Variants in HECW1 observed in about 807,000 individuals in gnomAD.
The protein encoded by HECW1 is E3 ubiquitin-protein ligase HECW1.
Under a neutral mutation model 182.3 loss-of-function variants are expected in HECW1, and 61 were observed. The ratio of observed to expected loss-of-function variants is 0.33; its 90% CI spans 0.27 to 0.41. The LOEUF (loss-of-function observed/expected upper bound fraction) is 0.41. Among genes scored for constraint, HECW1 ranks in the 10% least tolerant of loss-of-function variants. The pLI, the probability that HECW1 is intolerant of heterozygous loss-of-function variation, is 1.00. For missense variants in HECW1, 1,739 were observed against 2,108.9 expected (o/e 0.82, Z 3.44); for synonymous variants, 859 against 832.6 (o/e 1.03, Z -0.55).
At chr7:43,314,945 G>T (rs1562823797) in intron 4 of HECW1, among the ~76,000 whole-genome samples, 1 of 152,216 alleles carries the variant, frequency 6.6e-6, no homozygotes, top group Non-Finnish European at 1.5e-5. Flanking sequence ...CAGTCACACA[G>T]CTGCCTCCCC....
chr7:43,539,365 G>T (rs539990689), intron 24 of HECW1, among the ~76,000 whole-genome samples: 10 of 152,166 alleles, frequency 6.6e-5, no homozygotes, highest in Non-Finnish European at 1.3e-4. Flanking sequence ...GAAAGAACAT[G>T]TCTTTAAAAA....
intron 24 of HECW1, among the ~76,000 whole-genome samples, chr7:43,534,052 G>C (rs1419395063): frequency 1.3e-5 from 2 of 152,186 alleles, no homozygotes; most frequent in Non-Finnish European, 2.9e-5. Flanking sequence ...TGCCAGAAAT[G>C]CCCTACAGAG....
chr7:43,210,141 C>CCTG (rs1795874867), intron 2 of HECW1, among the ~76,000 whole-genome samples: 1 of 152,116 alleles, frequency 6.6e-6, no homozygotes, highest in African/African-American at 2.4e-5. Flanking sequence ...GCCTTCCTTC[C>CCTG]CACAGAAGGA....
At position 43,167,074 on chromosome 7, in the gene HECW1, C is replaced by T. The variant is rs985009636; in HGVS notation, c.-32+52683C>T. Among the ~76,000 whole-genome samples the T allele has an allele frequency of 2.6e-5, 4 of 152,332 alleles. No homozygotes were observed. In the East Asian group the frequency reaches 7.7e-4, roughly 29 times the overall value. On this transcript the variant is annotated intron_variant, in intron 2 of 29. Coordinates refer to ENST00000395891, the MANE Select transcript of HECW1 (RefSeq NM_015052.5). Reference sequence around the variant, plus strand: ...GATTCACTTCCCATTGCTATAACAACTTATCACAAACTTTATGGCCTAAAG... The same window carrying T: ...GATTCACTTCCCATTGCTATAACAATTTATCACAAACTTTATGGCCTAAAG...
At position 43,311,252 on chromosome 7, in the gene HECW1, A is replaced by T. The variant is rs188804529; in HGVS notation, c.28-511A>T. On this transcript the variant is annotated intron_variant, in intron 3 of 29. Transcript: ENST00000395891. Reference sequence around the variant, plus strand: ...GGCATTCTGTAGAGTGAAAGATGTAAATGGAGGAGTGACTGCCTCACCCAG... The same window carrying T: ...GGCATTCTGTAGAGTGAAAGATGTATATGGAGGAGTGACTGCCTCACCCAG... Among the ~76,000 whole-genome samples the T allele has an allele frequency of 1.1e-3, 166 of 152,338 alleles. 2 individuals carry two copies. The highest frequency in any genetic ancestry group is 3.9e-3 in the African/African-American group (162 of 41,588).
intron 2 of HECW1, among the ~76,000 whole-genome samples, chr7:43,168,507 T>TA (rs1234914471): frequency 2.0e-5 from 3 of 151,872 alleles, no homozygotes; most frequent in Non-Finnish European, 4.4e-5. Flanking sequence ...AATTTTTTTT[T>TA]AAATTAGCCA....
chr7:43,200,887 TG>T (rs1794962735), intron 2 of HECW1, among the ~76,000 whole-genome samples: 1 of 152,190 alleles, frequency 6.6e-6, no homozygotes, highest in Non-Finnish European at 1.5e-5. Flanking sequence ...GCCAGCAAGA[TG>T]GGAAACCTTA....
chr7:43,257,796 G>A (rs560504556), intron 3 of HECW1, among the ~76,000 whole-genome samples: 1 of 152,090 alleles, frequency 6.6e-6, no homozygotes, highest in Non-Finnish European at 1.5e-5. Flanking sequence ...ATGACTTGAG[G>A]CAAGTTATTT....
chr7:43,157,756 T>A (rs1790043236), intron 2 of HECW1, among the ~76,000 whole-genome samples: 1 of 152,176 alleles, frequency 6.6e-6, no homozygotes, highest in Non-Finnish European at 1.5e-5. Flanking sequence ...TGATGGGGTT[T>A]CGCCGCATTG....
At chr7:43,370,485 C>T (rs1479835144) in intron 6 of HECW1, among the ~76,000 whole-genome samples, 1 of 152,218 alleles carries the variant, frequency 6.6e-6, no homozygotes, top group Non-Finnish European at 1.5e-5. Context: ...TATGATTCAG[C>T]AATCTCACTC....
chr7:43,200,597 G>A (rs188891666), intron 2 of HECW1, among the ~76,000 whole-genome samples: 354 of 152,278 alleles, frequency 2.3e-3, no homozygotes, highest in African/African-American at 8.1e-3. Context: ...AAATACACAG[G>A]TGAGACACAG....
intron 16 of HECW1, among the ~76,000 whole-genome samples, chr7:43,477,132 T>C (rs1243155667): frequency 6.6e-6 from 1 of 152,192 alleles, no homozygotes; most frequent in Non-Finnish European, 1.5e-5. Context: ...TAATTCATCA[T>C]TATTTACCAT....
At chr7:43,340,426 G>A (rs947686170) in intron 5 of HECW1, among the ~76,000 whole-genome samples, 23 of 150,748 alleles carry the variant, frequency 1.5e-4, no homozygotes, top group African/African-American at 4.7e-4. Context: ...TCACCATATT[G>A]GCTAGGCTGG....
At chr7:43,136,294 G>A (rs1009142609) in intron 2 of HECW1, among the ~76,000 whole-genome samples, 2 of 152,182 alleles carry the variant, frequency 1.3e-5, no homozygotes, top group African/African-American at 4.8e-5. Flanking sequence ...TTTTGAATGA[G>A]TAGCTTCCCA....
At chr7:43,406,778 C>T (rs1378787263) in intron 7 of HECW1, among the ~76,000 whole-genome samples, 2 of 152,024 alleles carry the variant, frequency 1.3e-5, no homozygotes, top group Non-Finnish European at 2.9e-5. Flanking sequence ...ATTCTCCAGG[C>T]ATGGTGATAG....
At chr7:43,236,327 GA>G (rs374619384) in intron 2 of HECW1, among the ~76,000 whole-genome samples, 402 of 152,210 alleles carry the variant, frequency 2.6e-3, no homozygotes, top group African/African-American at 8.1e-3. Context: ...TCATGGGGGG[GA>G]AAAGCTCAAA....
chr7:43,337,053 G>T (rs1306108441), intron 5 of HECW1, among the ~76,000 whole-genome samples: 2 of 152,090 alleles, frequency 1.3e-5, no homozygotes, highest in African/African-American at 4.8e-5. Flanking sequence ...CTTTGGGTAG[G>T]TACCTAGTAG....
intron 5 of HECW1, among the ~76,000 whole-genome samples, chr7:43,344,859 T>C (rs1813470071): frequency 6.6e-6 from 1 of 152,226 alleles, no homozygotes; most frequent in Admixed American, 6.5e-5. Context: ...GGATTCAAAA[T>C]TTCTGTTTGG....
intron 3 of HECW1, among the ~76,000 whole-genome samples, chr7:43,258,215 G>T (rs1800786743): frequency 6.6e-6 from 1 of 151,760 alleles, no homozygotes; most frequent in South Asian, 2.1e-4. Flanking sequence ...GGTGGCACAT[G>T]GCCTGTAGTC....
Sources: allele counts gnomAD v4.1 joint callset (sites outside exome capture counted in the v4.1 genomes callset), GRCh38; gene constraint gnomAD v4.1.1; transcripts MANE v1.5; gene names NCBI Gene and HGNC (gene_info 2026-07-23, HGNC 2026-07-21).